The following GMPR variants were observed in gnomAD, a reference collection of about 807,000 sequenced individuals.
GMPR encodes the protein guanosine monophosphate reductase.
GMPR carries 31 observed loss-of-function variants against 38.4 expected under a neutral mutation model. That is an observed-to-expected ratio of 0.81 (90% CI 0.61 to 1.09). The LOEUF is 1.09. GMPR is among the 50% of genes least tolerant of loss of function. The pLI is 0.00. For synonymous variants in GMPR, 162 were observed against 173.3 expected, an observed-to-expected ratio of 0.93 and a Z score of 0.51; for missense variants, 468 against 453.7, an observed-to-expected ratio of 1.03 and a Z score of -0.29.
chr6:16,290,742 T>G, intron 8 of GMPR, 121 bp downstream of exon 8: 1 of 801,272 alleles, frequency 1.2e-6, no homozygotes, highest in Admixed American at 2.7e-5. Flanking sequence ...GAAGGGGTTC[T>G]TTTTAAAGAC....
intron 1 of GMPR, among the ~76,000 whole-genome samples, chr6:16,240,169 T>C (rs954243281): frequency 6.6e-6 from 1 of 152,160 alleles, no homozygotes; most frequent in African/African-American, 2.4e-5. Flanking sequence ...TTTCAGAAAA[T>C]TGGATGTTCA....
chr6:16,270,871 G>A (rs1444561831), intron 4 of GMPR, among the ~76,000 whole-genome samples: 1 of 152,222 alleles, frequency 6.6e-6, no homozygotes, highest in African/African-American at 2.4e-5. Flanking sequence ...TACTAAAGCG[G>A]CGTCAGCCTT....
At chr6:16,268,920 TTAAA>T (rs570656088) in intron 4 of GMPR, among the ~76,000 whole-genome samples, 39 of 150,926 alleles carry the variant, frequency 2.6e-4, no homozygotes, top group Admixed American at 5.9e-4. Flanking sequence ...ATTAAAAATT[TTAAA>T]TAAATTTAAA....
chr6:16,271,214 A>G (rs1465255700), intron 4 of GMPR, among the ~76,000 whole-genome samples: 1 of 148,482 alleles, frequency 6.7e-6, no homozygotes, highest in African/African-American at 2.5e-5. Flanking sequence ...GGCCGGGCGC[A>G]GTGGCTCATG....
rs189664204 is a variant in GMPR at position 16,251,815 on chromosome 6, T to C, written c.291+1448T>C. Among the ~76,000 whole-genome samples the C allele has an allele frequency of 3.9e-4, 59 of 152,084 alleles. No homozygotes were observed. The East Asian group carries it at 9.3e-3, about 24-fold the overall frequency. On this transcript the variant is annotated intron_variant, in intron 3 of 8. Transcript: ENST00000259727. Reference sequence around the variant, plus strand: ...AAATCATTGAATTGTGCATGTTGAATGGGTGAACTGTATGGTATGTCATTA... The same window carrying C: ...AAATCATTGAATTGTGCATGTTGAACGGGTGAACTGTATGGTATGTCATTA...
chr6:16,294,951 G>A, intron 8 of GMPR, 55 bp from the exon 9 acceptor site: 1 of 1,394,484 alleles, frequency 7.2e-7, no homozygotes, highest in Non-Finnish European at 1.0e-6. Flanking sequence ...TTCTAATTGG[G>A]CTCTTAAGGT....
At chr6:16,258,786 T>C (rs575841624) in intron 4 of GMPR, among the ~76,000 whole-genome samples, 3 of 152,362 alleles carry the variant, frequency 2.0e-5, no homozygotes, top group African/African-American at 7.2e-5. Context: ...TTGGAGGCAT[T>C]GTGAAGACGC....
chr6:16,291,964 TAGAGCCTA>T (rs1759847650), intron 8 of GMPR, among the ~76,000 whole-genome samples: 1 of 151,130 alleles, frequency 6.6e-6, no homozygotes, highest in African/African-American at 2.4e-5. Flanking sequence ...CCCTGCTCCA[TAGAGCCTA>T]CTGTTACTCT....
rs933690047 is a variant in GMPR, at chr6:16,250,227, G to A, written c.208-57G>A. ...GTTGGATCACCACCTCCAGATGGAG[G>A]AGGGAGGGGGGCTCTCACTTGGCTT... is the stretch of plus-strand genomic sequence containing the variant. On this transcript the variant is annotated intron_variant, in intron 2 of 8. Transcript: ENST00000259727. 1.0e-5 allele frequency: 9 copies of A among 893,978 alleles called. No individual in the cohort carries two copies. The African/African-American group carries it at 1.3e-4, about 13-fold the overall frequency. The allele number at this position is 893,978 out of a possible 1,614,324, so 55.4% of individuals were successfully genotyped here. A position where few individuals can be genotyped will look rare whatever the true frequency, so the allele number is the denominator to read the frequency against.
At chr6:16,242,755 C>T (rs1354577822) in intron 1 of GMPR, among the ~76,000 whole-genome samples, 1 of 152,158 alleles carries the variant, frequency 6.6e-6, no homozygotes, top group Non-Finnish European at 1.5e-5. Context: ...TCTCCTGCCT[C>T]AGCCTCCCGA....
chr6:16,294,890 TG>T, intron 8 of GMPR, 115 bp from the exon 9 acceptor site: 1 of 750,982 alleles, frequency 1.3e-6, no homozygotes, highest in East Asian at 2.8e-5. Context: ...GGGTGGGGTC[TG>T]GTTTTCTGAG....
At chr6:16,249,093 A>G (rs1758814757) in intron 2 of GMPR, among the ~76,000 whole-genome samples, 1 of 152,088 alleles carries the variant, frequency 6.6e-6, no homozygotes, top group Non-Finnish European at 1.5e-5. Context: ...CAAGGTGTCC[A>G]ATCTCCGTAG....
chr6:16,268,498 C>T (rs1192481677), intron 4 of GMPR, among the ~76,000 whole-genome samples: 3 of 152,120 alleles, frequency 2.0e-5, no homozygotes, highest in Non-Finnish European at 2.9e-5. Flanking sequence ...AGGCTGGTCT[C>T]GAACTCCTGA....
At chr6:16,263,204 T>C (rs1021760641) in intron 4 of GMPR, 7 of 151,938 alleles carry the variant, frequency 4.6e-5, no homozygotes, top group African/African-American at 1.7e-4. Context: ...GAGGGACCGA[T>C]GTGTAAAAGA....
chr6:16,266,126 ACAC>A (rs1322553701), intron 4 of GMPR, among the ~76,000 whole-genome samples: 8 of 51,282 alleles, frequency 1.6e-4, no homozygotes, highest in East Asian at 6.6e-3. Context: ...AAGAGCTGTA[ACAC>A]TTGCCATCTT....
In GMPR at chr6:16,278,821, G is replaced by A. The variant is rs1759524603; in HGVS notation, c.585G>A (p.Gly195=). The A allele has an allele frequency of 2.5e-6, 4 of 1,614,122 alleles. No individual in the cohort carries two copies. The highest frequency in any genetic ancestry group is 3.4e-6 in the Non-Finnish European group (4 of 1,179,930). ...CCACCCGCACCAAGACGGGAGTGGGGTACCCCCAGCTGAGTGCCGTCATTG... is the reference window on the plus strand; with the variant it reads ...CCACCCGCACCAAGACGGGAGTGGGATACCCCCAGCTGAGTGCCGTCATTG... ...VCTTRTKTGV[G]YPQLSAVIEC... is the part of the protein sequence containing the mutation. The change falls in exon 6 of 9, where the codon GGG becomes GGA. Residue 195 remains glycine (G), a synonymous_variant. Transcript: ENST00000259727.
chr6:16,246,091 C>T (rs985821639), intron 1 of GMPR, among the ~76,000 whole-genome samples: 5 of 152,238 alleles, frequency 3.3e-5, no homozygotes, highest in Admixed American at 6.5e-5. Context: ...TGGCATCTGC[C>T]GTGGGTCAGA....
At chr6:16,245,121 A>G (rs1758729708) in intron 1 of GMPR, among the ~76,000 whole-genome samples, 1 of 152,246 alleles carries the variant, frequency 6.6e-6, no homozygotes, top group African/African-American at 2.4e-5. Context: ...TGCTATGGGT[A>G]GGTCCCTTCA....
chr6:16,278,528 A>G (rs899674985), intron 5 of GMPR, among the ~76,000 whole-genome samples: 1 of 152,124 alleles, frequency 6.6e-6, no homozygotes, highest in East Asian at 1.9e-4. Context: ...TGACAGGTGC[A>G]TGGTAGAGGG....
Sources: allele counts gnomAD v4.1 joint callset (sites outside exome capture counted in the v4.1 genomes callset), GRCh38; gene constraint gnomAD v4.1.1; transcripts MANE v1.5; gene names NCBI Gene and HGNC (gene_info 2026-07-23, HGNC 2026-07-21).